The following MARCHF11 variants were observed in gnomAD, a reference collection of about 807,000 sequenced individuals.
MARCHF11 encodes E3 ubiquitin-protein ligase MARCHF11.
A neutral mutation model predicts 37.3 loss-of-function variants in MARCHF11; 29 were observed. That is an observed-to-expected ratio of 0.78 (90% CI 0.58 to 1.06). The LOEUF is 1.06. Among genes scored for constraint, MARCHF11 ranks in the 50% least tolerant of loss-of-function variants. MARCHF11 has a pLI of 0.00. For missense variants in MARCHF11, 482 were observed against 533.4 expected, an observed-to-expected ratio of 0.90 and a Z score of 0.95; for synonymous variants, 233 against 228.0, an observed-to-expected ratio of 1.02 and a Z score of -0.20.
chr5:16,122,767 G>A (rs1737332724), intron 2 of MARCHF11, among the ~76,000 whole-genome samples: 1 of 152,134 alleles, frequency 6.6e-6, no homozygotes, highest in Non-Finnish European at 1.5e-5. Flanking sequence ...GTGAGATGAA[G>A]GTTTGCTGGC....
chr5:16,090,555 A>G (rs1396206457), intron 3 of MARCHF11, among the ~76,000 whole-genome samples: 1 of 152,098 alleles, frequency 6.6e-6, no homozygotes, highest in Non-Finnish European at 1.5e-5. Flanking sequence ...TTGTAAAGGG[A>G]AACTGGTTTG....
chr5:16,107,634 T>A (rs1282649745), intron 2 of MARCHF11, among the ~76,000 whole-genome samples: 1 of 152,080 alleles, frequency 6.6e-6, no homozygotes, highest in African/African-American at 2.4e-5. Context: ...AACTCAGCCC[T>A]AAGTGACAAC....
intron 2 of MARCHF11, among the ~76,000 whole-genome samples, chr5:16,162,049 C>T (rs936826694): frequency 1.3e-4 from 19 of 151,890 alleles, no homozygotes; most frequent in South Asian, 2.1e-4. Flanking sequence ...TCCAGGTAGA[C>T]GCAATTTATC....
At chr5:16,169,978 C>T (rs578187580) in intron 2 of MARCHF11, among the ~76,000 whole-genome samples, 7 of 152,018 alleles carry the variant, frequency 4.6e-5, no homozygotes, top group South Asian at 2.1e-4. Flanking sequence ...GCCAAGGCAA[C>T]GCAGGAAATT....
intron 2 of MARCHF11, among the ~76,000 whole-genome samples, chr5:16,173,756 C>T (rs891015013): frequency 2.0e-5 from 3 of 152,326 alleles, no homozygotes; most frequent in East Asian, 3.9e-4. Flanking sequence ...CCTTAGCTGA[C>T]TTAACAGATC....
intron 2 of MARCHF11, among the ~76,000 whole-genome samples, chr5:16,106,727 C>T (rs887984205): frequency 6.6e-6 from 1 of 152,150 alleles, no homozygotes; most frequent in Non-Finnish European, 1.5e-5. Context: ...GTGCCATTGA[C>T]ATCTAGCGGG....
chr5:16,168,296 C>T (rs1416482544), intron 2 of MARCHF11, among the ~76,000 whole-genome samples: 1 of 152,006 alleles, frequency 6.6e-6, no homozygotes, highest in Non-Finnish European at 1.5e-5. Context: ...TATGTTTCAC[C>T]AAATCAAAAT....
chr5:16,157,382 T>C (rs955867636), intron 2 of MARCHF11, among the ~76,000 whole-genome samples: 4 of 151,768 alleles, frequency 2.6e-5, no homozygotes, highest in Non-Finnish European at 5.9e-5. Flanking sequence ...CCTGAATAGC[T>C]AAAGCAATCC....
At chr5:16,147,877 T>C (rs1406013583) in intron 2 of MARCHF11, among the ~76,000 whole-genome samples, 1 of 152,178 alleles carries the variant, frequency 6.6e-6, no homozygotes, top group South Asian at 2.1e-4. Context: ...TCCTCCACAC[T>C]GGCTAGCCAC....
chr5:16,074,728 C>T (rs527307926), intron 3 of MARCHF11, among the ~76,000 whole-genome samples: 1 of 152,236 alleles, frequency 6.6e-6, no homozygotes, highest in South Asian at 2.1e-4. Context: ...TGAAACTTAC[C>T]GTGACAATAA....
chr5:16,128,075 T>A (rs1293850685), intron 2 of MARCHF11, among the ~76,000 whole-genome samples: 1 of 152,190 alleles, frequency 6.6e-6, no homozygotes, highest in East Asian at 1.9e-4. Flanking sequence ...CATCTCTTGC[T>A]GCTGCTTCTA....
At chr5:16,141,336 G>A (rs344703) in intron 2 of MARCHF11, 74,227 of 152,000 alleles carry the variant, frequency 0.49, 18,895 homozygotes, top group Middle Eastern at 0.6. Context: ...GTCCTCATCT[G>A]TCTTATTTTC....
rs34699021 is a variant in MARCHF11 at position 16,072,510 on chromosome 5, C to CTGTGTGTGTG, written c.887-4727_887-4718dup. Among the ~76,000 whole-genome samples the CTGTGTGTGTG allele has an allele frequency of 3.5e-3, 513 of 146,708 alleles. 2 individuals carry two copies. Among genetic ancestry groups the CTGTGTGTGTG allele is most frequent in the African/African-American group, 0.011 (441 of 39,650 alleles). ...ATCAGTGCTCTCTCTCTCTCTCACTCTGTGTGTGTGTGTGTGTGTGTGTGT... is the reference window on the plus strand; with the variant it reads ...ATCAGTGCTCTCTCTCTCTCTCACTCTGTGTGTGTGTGTGTGTGTGTGTGTGTGTGTGTGT... On this transcript the variant is annotated intron_variant, in intron 3 of 3. Coordinates refer to ENST00000332432, the MANE Select transcript of MARCHF11 (RefSeq NM_001102562.3).
intron 2 of MARCHF11, among the ~76,000 whole-genome samples, chr5:16,102,870 C>A (rs1736981168): frequency 6.6e-6 from 1 of 152,210 alleles, no homozygotes; most frequent in South Asian, 2.1e-4. Context: ...CACCTGCATG[C>A]TCCCCCTCTT....
chr5:16,129,905 T>G (rs192438198), intron 2 of MARCHF11, among the ~76,000 whole-genome samples: 4 of 152,220 alleles, frequency 2.6e-5, no homozygotes, highest in East Asian at 1.9e-4. Context: ...ATGAGATCAG[T>G]GTCAAAAAAC....
At chr5:16,092,948 T>C (rs1237450417) in intron 2 of MARCHF11, among the ~76,000 whole-genome samples, 2 of 152,204 alleles carry the variant, frequency 1.3e-5, no homozygotes, top group Non-Finnish European at 2.9e-5. Flanking sequence ...AGTGTCAGTA[T>C]CTCTTGCTCT....
chr5:16,145,264 C>T (rs1263298861), intron 2 of MARCHF11, among the ~76,000 whole-genome samples: 1 of 152,142 alleles, frequency 6.6e-6, no homozygotes, highest in African/African-American at 2.4e-5. Flanking sequence ...GAATTCCCAA[C>T]ACAGCAGGGT....
intron 3 of MARCHF11, among the ~76,000 whole-genome samples, chr5:16,086,204 A>G (rs1736696000): frequency 6.6e-6 from 1 of 152,148 alleles, no homozygotes. Flanking sequence ...AACACCATGT[A>G]CAGTATGATC....
At chr5:16,111,957 C>T (rs1013892181) in intron 2 of MARCHF11, among the ~76,000 whole-genome samples, 3 of 152,210 alleles carry the variant, frequency 2.0e-5, no homozygotes, top group Non-Finnish European at 4.4e-5. Context: ...GCTTTGGGAG[C>T]TTCCACATGG....
Sources: allele counts gnomAD v4.1 joint callset (sites outside exome capture counted in the v4.1 genomes callset), GRCh38; gene constraint gnomAD v4.1.1; transcripts MANE v1.5; gene names NCBI Gene and HGNC (gene_info 2026-07-23, HGNC 2026-07-21).